The following BAIAP2 variants were observed in gnomAD, a reference collection of about 807,000 sequenced individuals.
The protein encoded by BAIAP2 is BAR/IMD domain-containing adapter protein 2.
In BAIAP2, 18 loss-of-function variants were observed where a neutral mutation model predicts 63.0. The ratio of observed to expected loss-of-function variants is 0.29; its 90% CI spans 0.20 to 0.42. The LOEUF (loss-of-function observed/expected upper bound fraction) is 0.42, where lower values mean the gene tolerates loss of function less well. BAIAP2 is among the 10% of genes least tolerant of loss of function. The probability of loss-of-function intolerance (pLI) is 1.00; values close to 1 mark genes in which losing one functional copy is unlikely to be tolerated. For synonymous variants in BAIAP2, 386 were observed against 307.6 expected (o/e 1.25, Z -2.67); for missense variants, 610 against 734.3 (o/e 0.83, Z 1.96).
At chr17:81,047,947 G>A (rs888869490) in intron 1 of BAIAP2, among the ~76,000 whole-genome samples, 3 of 152,250 alleles carry the variant, frequency 2.0e-5, no homozygotes, top group South Asian at 2.1e-4. Flanking sequence ...GGCCATACGC[G>A]CCCACCCTGG....
chr17:81,075,526 C>A (rs958620305), intron 3 of BAIAP2, among the ~76,000 whole-genome samples: 1 of 152,214 alleles, frequency 6.6e-6, no homozygotes, highest in Admixed American at 6.5e-5. Flanking sequence ...TAATCCTTCT[C>A]GTTCATCTGC....
At chr17:81,112,819 G>A (rs1598860229) in intron 13 of BAIAP2, among the ~76,000 whole-genome samples, 1 of 152,222 alleles carries the variant, frequency 6.6e-6, no homozygotes, top group South Asian at 2.1e-4. Context: ...GGGAGGCTGA[G>A]GCGAGAGGAT....
At chr17:81,112,070 G>C (rs961163749) in intron 13 of BAIAP2, among the ~76,000 whole-genome samples, 1 of 152,248 alleles carries the variant, frequency 6.6e-6, no homozygotes, top group Non-Finnish European at 1.5e-5. Context: ...ACTGGATGGA[G>C]ATGCTCTGGG....
Position 81,116,646 on chromosome 17 carries a change from C to G in BAIAP2, c.*807C>G, listed in dbSNP as rs1462154647. ...CCCAGGACTCCTGGGTGGACCTCCC[C>G]CCCCCACCTCCGCTGACTCCTGCAG... is the stretch of plus-strand genomic sequence containing the variant. On this transcript the variant is annotated 3_prime_UTR_variant, in exon 14 of 14. Coordinates refer to ENST00000428708, the MANE Select transcript of BAIAP2 (RefSeq NM_001144888.2). 3 of 387,168 alleles carry G rather than the reference C, an allele frequency of 7.7e-6. No homozygotes were observed. In the Admixed American group the frequency reaches 1.2e-4, roughly 15 times the overall value. 24.0% of individuals were successfully genotyped at this position (387,168 alleles called of 1,614,324 possible).
At chr17:81,085,531 G>T (rs558175034) in intron 4 of BAIAP2, 123 bp from the exon 5 acceptor site, 3 of 797,894 alleles carry the variant, frequency 3.8e-6, no homozygotes, top group African/African-American at 3.4e-5. Context: ...AGGGGGAGGG[G>T]GCCCCTCCTG....
chr17:81,084,921 G>A (rs750807245), intron 4 of BAIAP2, 28 bp downstream of exon 4: 60 of 1,611,690 alleles, frequency 3.7e-5, no homozygotes, highest in Middle Eastern at 1.6e-4. Context: ...GTGGCCCTGC[G>A]AGGAGGGGCA....
chr17:81,109,452 C>A, intron 13 of BAIAP2: 1 of 988,294 alleles, frequency 1.0e-6, no homozygotes, highest in Non-Finnish European at 1.2e-6. Flanking sequence ...AAAAACCGAT[C>A]TGCATGGACT....
chr17:81,048,980 C>T (rs551499882), intron 1 of BAIAP2, among the ~76,000 whole-genome samples: 3 of 152,216 alleles, frequency 2.0e-5, no homozygotes, highest in East Asian at 1.9e-4. Context: ...ATGGGCAGGA[C>T]CCCCTTCATA....
intron 10 of BAIAP2, chr17:81,105,129 A>AT (rs2059010100): frequency 6.2e-6 from 1 of 162,100 alleles, no homozygotes; most frequent in Non-Finnish European, 1.3e-5. Context: ...GGTCTGCCCC[A>AT]TGGCAGGGGT....
At chr17:81,044,264 G>T (rs1401764083) in intron 1 of BAIAP2, among the ~76,000 whole-genome samples, 2 of 152,250 alleles carry the variant, frequency 1.3e-5, no homozygotes, top group Non-Finnish European at 2.9e-5. Context: ...GGATGGATGG[G>T]GCAGCGGCCT....
chr17:81,058,913 C>T (rs934036220), intron 3 of BAIAP2, among the ~76,000 whole-genome samples: 3 of 152,158 alleles, frequency 2.0e-5, no homozygotes, highest in Non-Finnish European at 4.4e-5. Context: ...AGTCGGCAGG[C>T]GGTGGGCTGG....
At chr17:81,055,574 G>GTTTTTTATTTTTTTTTGTTTT (rs370775327) in intron 2 of BAIAP2, among the ~76,000 whole-genome samples, 1 of 123,406 alleles carries the variant, frequency 8.1e-6, no homozygotes, top group African/African-American at 2.9e-5. Flanking sequence ...AGGGTGTTTT[G>GTTTTTTATTTTTTTTTGTTTT]TTTTTTTTTG....
intron 1 of BAIAP2, among the ~76,000 whole-genome samples, chr17:81,051,199 C>A (rs74002021): frequency 6.6e-6 from 1 of 152,028 alleles, no homozygotes; most frequent in African/African-American, 2.4e-5. Context: ...CCCTTTAGGA[C>A]AGAGGCCTGC....
intron 3 of BAIAP2, among the ~76,000 whole-genome samples, chr17:81,062,977 C>T (rs1436271604): frequency 3.2e-5 from 4 of 123,458 alleles, no homozygotes; most frequent in Non-Finnish European, 6.4e-5. Context: ...TTAGGAATTT[C>T]CTGCCGATAT....
chr17:81,098,759 C>T (rs989703757), intron 6 of BAIAP2, among the ~76,000 whole-genome samples: 9 of 152,168 alleles, frequency 5.9e-5, no homozygotes, highest in African/African-American at 2.2e-4. Flanking sequence ...GTGGCCAAGA[C>T]GTGACAGCCG....
intron 1 of BAIAP2, among the ~76,000 whole-genome samples, chr17:81,040,806 G>A (rs1164307088): frequency 6.6e-6 from 1 of 152,318 alleles, no homozygotes; most frequent in Admixed American, 6.5e-5. Context: ...GGTGGCCCTG[G>A]TGTGGGGCTG....
chr17:81,061,706 G>T (rs932342183), intron 3 of BAIAP2, among the ~76,000 whole-genome samples: 1 of 152,096 alleles, frequency 6.6e-6, no homozygotes, highest in South Asian at 2.1e-4. Context: ...AGCTTGGGGC[G>T]TTCCTAAATT....
At chr17:81,069,648 G>C (rs939956024) in intron 3 of BAIAP2, among the ~76,000 whole-genome samples, 1 of 152,180 alleles carries the variant, frequency 6.6e-6, no homozygotes. Context: ...AAGCCTGGCG[G>C]GGGGCGTGGT....
At position 81,049,412 on chromosome 17, in the gene BAIAP2, G is replaced by A. The variant is rs114196123; in HGVS notation, c.55-4256G>A. ...CCGTGTGGGGGTGGCGCCTCTGAGG[G>A]CTTGAGGTTATTTTCTTGTGCGGTT... On this transcript the variant is annotated intron_variant, in intron 1 of 13. Transcript: ENST00000428708. Among the ~76,000 whole-genome samples the A allele has an allele frequency of 1.3e-3, 197 of 152,286 alleles. 1 individual carries two copies. Among genetic ancestry groups the A allele is most frequent in the African/African-American group, 4.6e-3 (193 of 41,552 alleles).
Sources: allele counts gnomAD v4.1 joint callset (sites outside exome capture counted in the v4.1 genomes callset), GRCh38; gene constraint gnomAD v4.1.1; transcripts MANE v1.5; gene names NCBI Gene and HGNC (gene_info 2026-07-23, HGNC 2026-07-21).